ANKRD31: variants seen among roughly 807,000 people sequenced by gnomAD.
ANKRD31 encodes ankyrin repeat domain 31.
Under a neutral mutation model 186.0 loss-of-function variants are expected in ANKRD31, and 147 were observed. That is an observed-to-expected ratio of 0.79 (90% confidence interval 0.69 to 0.91). ANKRD31 has a LOEUF of 0.91. Ranked by LOEUF, ANKRD31 falls within the 40% of genes least tolerant of loss-of-function variation. The pLI, the probability that ANKRD31 is intolerant of heterozygous loss-of-function variation, is 0.00. For synonymous variants in ANKRD31, 673 were observed against 736.4 expected, an observed-to-expected ratio of 0.91 and a Z score of 1.39; for missense variants, 1,986 against 2,148.8, an observed-to-expected ratio of 0.92 and a Z score of 1.50.
intron 11 of ANKRD31, among the ~76,000 whole-genome samples, chr5:75,156,668 C>A (rs751817296): frequency 1.3e-5 from 2 of 152,150 alleles, no homozygotes; most frequent in Non-Finnish European, 2.9e-5. Context: ...AAGAAAGAGG[C>A]TGAGCAGGAT....
intron 5 of ANKRD31, among the ~76,000 whole-genome samples, chr5:75,202,747 G>A (rs967708443): frequency 6.6e-6 from 1 of 152,138 alleles, no homozygotes; most frequent in Admixed American, 6.5e-5. Context: ...TTACTTGTAC[G>A]TGATTTAACC....
At chr5:75,200,773 A>G (rs1388454420) in intron 5 of ANKRD31, among the ~76,000 whole-genome samples, 2 of 151,572 alleles carry the variant, frequency 1.3e-5, no homozygotes, top group Non-Finnish European at 2.9e-5. Flanking sequence ...ATTAGCCAGC[A>G]TGGTGGCACA....
chr5:75,069,540 T>C (rs1744048968), intron 25 of ANKRD31, among the ~76,000 whole-genome samples: 1 of 151,940 alleles, frequency 6.6e-6, no homozygotes. Flanking sequence ...TTTGTTTTTG[T>C]TTTTGTTTTT....
chr5:75,091,264 A>C lies in ANKRD31; in HGVS notation c.5469T>G (p.Ser1823Arg). 1 of 1,534,924 alleles carries C rather than the reference A, an allele frequency of 6.5e-7. No individual in the cohort carries two copies. The highest frequency in any genetic ancestry group is 8.7e-7 in the Non-Finnish European group (1 of 1,146,354). ...GATAAACTTAAGAATGACCCACCTTACTCCAAGCATAATTCCAGGTCACAT... is the reference window on the plus strand; with the variant it reads ...GATAAACTTAAGAATGACCCACCTTCCTCCAAGCATAATTCCAGGTCACAT... The part of the protein sequence containing the change: ...NSYVTWNYAW[S>R]KVTYLGKELL... Residue 1823 changes from serine to arginine, a missense_variant, in exon 23 of 26, where the codon AGT (serine) becomes AGG (arginine). By Grantham distance (110) the Ser-to-Arg change is moderately radical. Coordinates refer to ENST00000506364, the MANE Select transcript of ANKRD31 (RefSeq NM_001372053.1).
At chr5:75,125,066 T>C (rs1192410683) in intron 17 of ANKRD31, among the ~76,000 whole-genome samples, 1 of 152,162 alleles carries the variant, frequency 6.6e-6, no homozygotes, top group Non-Finnish European at 1.5e-5. Context: ...TTACTTATCA[T>C]CTCTAACTTC....
intron 20 of ANKRD31, 23 bp downstream of exon 20, chr5:75,112,489 AC>A (rs758337954): frequency 7.2e-7 from 1 of 1,397,166 alleles, no homozygotes; most frequent in African/African-American, 1.4e-5. Context: ...AAAATATCAT[AC>A]TTGAGTATGA....
At chr5:75,201,403 A>C (rs898110631) in intron 5 of ANKRD31, among the ~76,000 whole-genome samples, 29 of 152,224 alleles carry the variant, frequency 1.9e-4, no homozygotes, top group African/African-American at 6.5e-4. Flanking sequence ...TACTTGCTTA[A>C]AATTTTAATA....
intron 9 of ANKRD31, among the ~76,000 whole-genome samples, chr5:75,189,532 C>T (rs1374559793): frequency 6.6e-6 from 1 of 152,124 alleles, no homozygotes; most frequent in African/African-American, 2.4e-5. Context: ...TATAACAAAC[C>T]CAACTGCTGA....
chr5:75,218,738 A>G (rs958878807), intron 3 of ANKRD31, among the ~76,000 whole-genome samples: 3 of 152,212 alleles, frequency 2.0e-5, no homozygotes, highest in African/African-American at 7.2e-5. Context: ...TTCGCACAAC[A>G]AAAAGCTAAT....
intron 1 of ANKRD31, among the ~76,000 whole-genome samples, chr5:75,231,679 G>A (rs1279804232): frequency 6.6e-6 from 1 of 152,114 alleles, no homozygotes; most frequent in Non-Finnish European, 1.5e-5. Context: ...AATCATAGGG[G>A]AAATGCAAAT....
At chr5:75,092,401 T>C (rs1412264973) in intron 22 of ANKRD31, among the ~76,000 whole-genome samples, 1 of 152,168 alleles carries the variant, frequency 6.6e-6, no homozygotes, top group Non-Finnish European at 1.5e-5. Flanking sequence ...CTTGGATTAG[T>C]CTGTAGAGCA....
At chr5:75,087,939 G>A (rs555497384) in intron 23 of ANKRD31, among the ~76,000 whole-genome samples, 5 of 152,204 alleles carry the variant, frequency 3.3e-5, no homozygotes, top group South Asian at 4.1e-4. Flanking sequence ...GTAGCTAGAC[G>A]CAAGAGAAAG....
chr5:75,218,856 C>T (rs13166323), intron 3 of ANKRD31, among the ~76,000 whole-genome samples: 545 of 152,202 alleles, frequency 3.6e-3, no homozygotes, highest in Middle Eastern at 6.8e-3. Context: ...AAATGTGATT[C>T]ATCAAACAGA....
At chr5:75,118,748 GCTA>G (rs1038881008) in intron 17 of ANKRD31, among the ~76,000 whole-genome samples, 6 of 152,118 alleles carry the variant, frequency 3.9e-5, no homozygotes, top group Admixed American at 3.9e-4. Flanking sequence ...GTACCTAGTA[GCTA>G]CTATATTGGG....
intron 10 of ANKRD31, among the ~76,000 whole-genome samples, chr5:75,183,308 T>A (rs1294869827): frequency 6.6e-6 from 1 of 152,180 alleles, no homozygotes; most frequent in Non-Finnish European, 1.5e-5. Flanking sequence ...ATAGCTACCT[T>A]CATATGAAAC....
intron 10 of ANKRD31, among the ~76,000 whole-genome samples, chr5:75,181,083 T>G (rs538979227): frequency 6.7e-6 from 1 of 149,318 alleles, no homozygotes; most frequent in African/African-American, 2.4e-5. Flanking sequence ...AGGATATGAA[T>G]AGACACTTCT....
At chr5:75,189,663 T>G (rs1436324881) in intron 9 of ANKRD31, among the ~76,000 whole-genome samples, 1 of 152,190 alleles carries the variant, frequency 6.6e-6, no homozygotes, top group African/African-American at 2.4e-5. Flanking sequence ...CAGTTGTACT[T>G]GTTATATTAT....
chr5:75,217,215 G>A lies in ANKRD31; in HGVS notation c.288+5034C>T, dbSNP rs563265253. The stretch of plus-strand genomic sequence containing the variant: ...GTATATTCTGTTGTCTTCGGGTGGA[G>A]AGTCCTGTAGATGTCTACTAGGTCC... On this transcript the variant is annotated intron_variant, in intron 3 of 25. Coordinates refer to ENST00000506364, the MANE Select transcript of ANKRD31 (RefSeq NM_001372053.1). 5.9e-5 allele frequency among the ~76,000 whole-genome samples: 9 copies of A among 152,280 alleles called. No homozygotes were observed. In the South Asian group the frequency reaches 1.9e-3, roughly 32 times the overall value.
intron 11 of ANKRD31, among the ~76,000 whole-genome samples, chr5:75,157,717 G>A (rs1752281759): frequency 6.6e-6 from 1 of 152,148 alleles, no homozygotes; most frequent in Non-Finnish European, 1.5e-5. Flanking sequence ...CCTGATCTAT[G>A]AAAGACCCTG....
Sources: allele counts gnomAD v4.1 joint callset (sites outside exome capture counted in the v4.1 genomes callset), GRCh38; gene constraint gnomAD v4.1.1; transcripts MANE v1.5; gene names NCBI Gene and HGNC (gene_info 2026-07-23, HGNC 2026-07-21).